TRAPPC9: variants seen among roughly 807,000 people sequenced by gnomAD.
TRAPPC9 encodes IKK2 binding protein.
Under a neutral mutation model 124.0 loss-of-function variants are expected in TRAPPC9, and 83 were observed. The observed-to-expected ratio is 0.67, with a 90% CI of 0.56 to 0.80. The LOEUF (loss-of-function observed/expected upper bound fraction) is 0.80. Ranked by LOEUF, TRAPPC9 falls within the 30% of genes least tolerant of loss-of-function variation. The pLI is 0.00. For synonymous variants in TRAPPC9, 638 were observed against 617.5 expected (o/e 1.03, Z -0.49); for missense variants, 1,302 against 1,508.3 (o/e 0.86, Z 2.27).
intron 17 of TRAPPC9, among the ~76,000 whole-genome samples, chr8:140,208,050 G>A (rs558435308): frequency 6.6e-5 from 10 of 151,830 alleles, no homozygotes; most frequent in African/African-American, 9.7e-5. Flanking sequence ...CTTGGGAGGC[G>A]GAGGCAGGAG....
intron 19 of TRAPPC9, among the ~76,000 whole-genome samples, chr8:139,916,147 T>C (rs1400800762): frequency 6.6e-6 from 1 of 152,190 alleles, no homozygotes; most frequent in Admixed American, 6.5e-5. Context: ...TCCCACTACA[T>C]AAACCCCTCA....
intron 21 of TRAPPC9, among the ~76,000 whole-genome samples, chr8:139,845,935 C>T (rs10111448): frequency 0.16 from 24,850 of 152,084 alleles, 4,347 homozygotes; most frequent in African/African-American, 0.44. Flanking sequence ...TGGGTCAGAG[C>T]GGTGGAGGAG....
intron 16 of TRAPPC9, among the ~76,000 whole-genome samples, chr8:140,231,558 T>C (rs1380813121): frequency 7.4e-6 from 1 of 135,416 alleles, no homozygotes; most frequent in Non-Finnish European, 1.5e-5. Flanking sequence ...AGTGGTGCAA[T>C]CTCGGCTCAC....
chr8:139,933,377 T>C (rs1304555923), intron 19 of TRAPPC9: 2 of 152,234 alleles, frequency 1.3e-5, no homozygotes, highest in East Asian at 3.8e-4. Context: ...GGAGATATCA[T>C]CTCTCCTGCA....
chr8:139,972,450 AAC>A (rs1160873199), intron 19 of TRAPPC9, among the ~76,000 whole-genome samples: 1 of 152,220 alleles, frequency 6.6e-6, no homozygotes, highest in Non-Finnish European at 1.5e-5. Context: ...AGTACAGGAA[AAC>A]ACAGAATTCC....
At chr8:140,018,741 A>G (rs538960038) in intron 18 of TRAPPC9, among the ~76,000 whole-genome samples, 3 of 152,264 alleles carry the variant, frequency 2.0e-5, no homozygotes, top group South Asian at 4.1e-4. Flanking sequence ...GTACATAATC[A>G]TATGTACCAT....
At position 140,054,253 on chromosome 8, in the gene TRAPPC9, C is replaced by T. The variant is rs182893080; in HGVS notation, c.2557-30174G>A. On this transcript the variant is annotated intron_variant, in intron 17 of 22. Coordinates refer to ENST00000438773, the MANE Select transcript of TRAPPC9 (RefSeq NM_001160372.4). ...TTTGGGTTATGGGTTCCACAGAAGCCCAAACCCCAACATCATGCAATACAT... is the reference window on the plus strand; with the variant it reads ...TTTGGGTTATGGGTTCCACAGAAGCTCAAACCCCAACATCATGCAATACAT... Among the ~76,000 whole-genome samples, 10 of 152,214 alleles carry T rather than the reference C, an allele frequency of 6.6e-5. No individual in the cohort carries two copies. In the South Asian group the frequency reaches 1.0e-3, roughly 16 times the overall value.
chr8:139,910,258 C>T lies in TRAPPC9; in HGVS notation c.2853G>A (p.Pro951=), dbSNP rs754079193. Residue 951 remains proline (P), a synonymous_variant, in exon 20 of 23, where the codon CCG becomes CCA. Coordinates refer to ENST00000438773, the MANE Select transcript of TRAPPC9 (RefSeq NM_001160372.4). ...QVDKFNFESF[P]ESPGEKGQFA... is the part of the protein sequence containing the mutation. ...ATTGCCCCTTCTCCCCAGGGGACTC[C>T]GGGAAACTCTCAAAGTTGAACTTGT... 51 of 1,614,024 alleles carry T rather than the reference C, an allele frequency of 3.2e-5. No homozygotes were observed. Among genetic ancestry groups the T allele is most frequent in the South Asian group, 4.4e-5 (4 of 91,084 alleles).
chr8:140,314,380 C>T (rs531283901), intron 9 of TRAPPC9, among the ~76,000 whole-genome samples: 4 of 152,240 alleles, frequency 2.6e-5, no homozygotes, highest in African/African-American at 4.8e-5. Context: ...TGTTTTAATG[C>T]ATTTACTGTA....
intron 20 of TRAPPC9, among the ~76,000 whole-genome samples, chr8:139,890,044 G>A (rs1009884006): frequency 5.9e-4 from 90 of 152,382 alleles, no homozygotes; most frequent in Non-Finnish European, 9.0e-4. Context: ...GACGGAGGCC[G>A]CCGCCCCGGG....
chr8:140,386,131 G>C (rs201451444), intron 7 of TRAPPC9, among the ~76,000 whole-genome samples: 1 of 152,080 alleles, frequency 6.6e-6, no homozygotes. Flanking sequence ...TTCATGCTAA[G>C]AACTCTCAAT....
At chr8:139,941,820 C>G (rs1444517979) in intron 19 of TRAPPC9, among the ~76,000 whole-genome samples, 3 of 152,202 alleles carry the variant, frequency 2.0e-5, no homozygotes, top group Non-Finnish European at 4.4e-5. Flanking sequence ...CAGTCTCTGG[C>G]CCACATGGGC....
intron 9 of TRAPPC9, among the ~76,000 whole-genome samples, chr8:140,345,077 A>C (rs2067302915): frequency 6.6e-6 from 1 of 152,244 alleles, no homozygotes; most frequent in Non-Finnish European, 1.5e-5. Context: ...GGGCGGGTCG[A>C]CAGTCAGGCC....
Position 139,732,162 on chromosome 8 carries a change from CACAG to C in TRAPPC9, c.3092_3095del (p.Ala1031GlyfsTer16). On this transcript the variant is annotated frameshift_variant, in exon 22 of 23. Coordinates refer to ENST00000438773, the MANE Select transcript of TRAPPC9 (RefSeq NM_001160372.4). LOFTEE classifies it high-confidence loss of function. Reference sequence around the variant, plus strand: ...CGGGGTCGCCCACCTGGCAGGCCGCCACAGCCTCGCGGTCACATGGCTGTCCGTC... The same window carrying C: ...CGGGGTCGCCCACCTGGCAGGCCGCCCCTCGCGGTCACATGGCTGTCCGTC... 1 of 1,601,306 alleles carries C rather than the reference CACAG, an allele frequency of 6.2e-7. No individual in the cohort carries two copies. The highest frequency in any genetic ancestry group is 8.5e-7 in the Non-Finnish European group (1 of 1,176,858).
intron 14 of TRAPPC9, among the ~76,000 whole-genome samples, chr8:140,276,435 C>T (rs1249076207): frequency 6.6e-6 from 1 of 152,148 alleles, no homozygotes; most frequent in Non-Finnish European, 1.5e-5. Flanking sequence ...TCACACCAGT[C>T]AGGTGAGGCC....
intron 3 of TRAPPC9, among the ~76,000 whole-genome samples, chr8:140,435,909 T>C (rs1304024602): frequency 6.6e-6 from 1 of 152,204 alleles, no homozygotes; most frequent in African/African-American, 2.4e-5. Flanking sequence ...CTCCTTAAAC[T>C]TTTGGTCTAA....
At chr8:140,188,409 T>C (rs947422435) in intron 17 of TRAPPC9, among the ~76,000 whole-genome samples, 1 of 152,122 alleles carries the variant, frequency 6.6e-6, no homozygotes, top group East Asian at 1.9e-4. Context: ...TTAAGTAACA[T>C]CTCCCTCCTC....
rs1821433097 is a variant in TRAPPC9, at chr8:139,776,927, C to T, written c.3056-44725G>A. ...TGACGTGGGGGCTGTGCCTTGCACCCTCTGTAGCTCCTGTGTGCCAGTTCC... is the reference window on the plus strand; with the variant it reads ...TGACGTGGGGGCTGTGCCTTGCACCTTCTGTAGCTCCTGTGTGCCAGTTCC... On this transcript the variant is annotated intron_variant, in intron 21 of 22. Transcript: ENST00000438773. This position sits in a 1 kb window ranked among gnomAD's most constrained non-coding sequence, Gnocchi z 4.1. Among the ~76,000 whole-genome samples the T allele has an allele frequency of 1.3e-5, 2 of 152,206 alleles. No individual in the cohort carries two copies. The highest frequency in any genetic ancestry group is 4.8e-5 in the African/African-American group (2 of 41,454).
chr8:139,887,806 C>A (rs1830110979), intron 20 of TRAPPC9, among the ~76,000 whole-genome samples: 1 of 152,200 alleles, frequency 6.6e-6, no homozygotes, highest in African/African-American at 2.4e-5. Flanking sequence ...GAGACCTGGT[C>A]TTAGGGCCTA....
Sources: gnomAD v4.1 joint callset for allele counts (sites outside exome capture counted in the v4.1 genomes callset) on GRCh38, gnomAD v4.1.1 for gene constraint, Gnocchi (gnomAD v3.1) non-coding constraint, MANE v1.5 for transcripts, NCBI Gene and HGNC (gene_info 2026-07-23, HGNC 2026-07-21) for gene names.